SORCS2: variants seen among roughly 807,000 people sequenced by gnomAD.
The protein encoded by SORCS2 is VPS10 domain-containing receptor SorCS2.
In SORCS2, 100 loss-of-function variants were observed where a neutral mutation model predicts 141.6. That is an observed-to-expected ratio of 0.71 (90% CI 0.60 to 0.83). SORCS2 has a LOEUF of 0.83. Ranked by LOEUF, SORCS2 falls within the 40% of genes least tolerant of loss-of-function variation. The pLI, the probability that SORCS2 is intolerant of heterozygous loss-of-function variation, is 0.00. For synonymous variants in SORCS2, 789 were observed against 676.9 expected (o/e 1.17, Z -2.57); for missense variants, 1,646 against 1,560.2 (o/e 1.05, Z -0.93).
chr4:7,556,486 A>C (rs1033190787), intron 3 of SORCS2, among the ~76,000 whole-genome samples: 1 of 152,170 alleles, frequency 6.6e-6, no homozygotes, highest in Admixed American at 6.5e-5. Context: ...TGGTCCTATC[A>C]CTGGCACGGA....
At chr4:7,657,684 C>G (rs1363541025) in intron 5 of SORCS2, among the ~76,000 whole-genome samples, 3 of 150,140 alleles carry the variant, frequency 2.0e-5, no homozygotes. Context: ...GAATGAGTGA[C>G]TGAGTCTGTG....
chr4:7,672,857 C>T (rs1722875083), intron 8 of SORCS2, among the ~76,000 whole-genome samples: 2 of 152,200 alleles, frequency 1.3e-5, no homozygotes, highest in Admixed American at 1.3e-4. Flanking sequence ...GTGGAATTGT[C>T]CTACGTGGCT....
chr4:7,734,837 C>T (rs1451172247), intron 25 of SORCS2, among the ~76,000 whole-genome samples: 1 of 152,242 alleles, frequency 6.6e-6, no homozygotes, highest in Non-Finnish European at 1.5e-5. Context: ...CTCGAGAGCA[C>T]TTGAGAGCTG....
At chr4:7,239,667 C>T (rs929608050) in intron 1 of SORCS2, among the ~76,000 whole-genome samples, 1 of 152,176 alleles carries the variant, frequency 6.6e-6, no homozygotes, top group African/African-American at 2.4e-5. Flanking sequence ...TCGCACTTGG[C>T]CCCCAGGATA....
chr4:7,382,045 C>A (rs1577474442), intron 1 of SORCS2: 2 of 936,184 alleles, frequency 2.1e-6, no homozygotes, highest in East Asian at 1.2e-4. Flanking sequence ...AAAGATGGGA[C>A]CTCGTTCGGG....
chr4:7,674,075 C>T (rs1031084742), intron 8 of SORCS2, among the ~76,000 whole-genome samples: 1 of 152,172 alleles, frequency 6.6e-6, no homozygotes, highest in South Asian at 2.1e-4. Context: ...CCGGGCACTT[C>T]ACATGCCTCC....
chr4:7,513,174 C>G (rs905705584), intron 2 of SORCS2, among the ~76,000 whole-genome samples: 1 of 152,308 alleles, frequency 6.6e-6, no homozygotes, highest in East Asian at 1.9e-4. Flanking sequence ...TTTCGAATCT[C>G]TAGAATGGGA....
At chr4:7,734,954 T>C (rs917714856) in intron 25 of SORCS2, among the ~76,000 whole-genome samples, 5 of 152,190 alleles carry the variant, frequency 3.3e-5, no homozygotes, top group Non-Finnish European at 7.3e-5. Flanking sequence ...GTTTGTCTAT[T>C]GGGAGGGGCT....
At chr4:7,681,470 G>A (rs555670424) in intron 9 of SORCS2, among the ~76,000 whole-genome samples, 1 of 152,218 alleles carries the variant, frequency 6.6e-6, no homozygotes, top group Admixed American at 6.5e-5. Flanking sequence ...GAATGCCGGT[G>A]CCTCTAGAAG....
intron 9 of SORCS2, among the ~76,000 whole-genome samples, chr4:7,678,889 A>G (rs1723331854): frequency 6.6e-6 from 1 of 152,130 alleles, no homozygotes; most frequent in South Asian, 2.1e-4. Context: ...GGGCTTCCCT[A>G]TGTGCAACAG....
At chr4:7,522,563 A>G (rs542360654) in intron 2 of SORCS2, among the ~76,000 whole-genome samples, 1 of 152,238 alleles carries the variant, frequency 6.6e-6, no homozygotes, top group East Asian at 1.9e-4. Context: ...AGGCACAGAG[A>G]GAGGAGGCGC....
chr4:7,600,442 A>C (rs1029983391), intron 3 of SORCS2, among the ~76,000 whole-genome samples: 1 of 151,992 alleles, frequency 6.6e-6, no homozygotes, highest in African/African-American at 2.4e-5. Flanking sequence ...CACCGTCCCC[A>C]CCCAAGCCCG....
At chr4:7,520,362 TGAG>T (rs1324299979) in intron 2 of SORCS2, among the ~76,000 whole-genome samples, 1 of 152,106 alleles carries the variant, frequency 6.6e-6, no homozygotes, top group Middle Eastern at 3.2e-3. Flanking sequence ...AAGAGTAAAT[TGAG>T]GAGGTGTGTG....
At chr4:7,628,585 C>T (rs150752002) in intron 3 of SORCS2, among the ~76,000 whole-genome samples, 511 of 151,756 alleles carry the variant, frequency 3.4e-3, no homozygotes, top group Non-Finnish European at 5.1e-3. Context: ...CAGCACTGAG[C>T]TCGTGGCCTG....
At position 7,716,143 on chromosome 4, in the gene SORCS2, C is replaced by T. The variant is rs74956653; in HGVS notation, c.2252+832C>T. Among the ~76,000 whole-genome samples, 394 of 152,312 alleles carry T rather than the reference C, an allele frequency of 2.6e-3. 2 individuals carry two copies. Among genetic ancestry groups the T allele is most frequent in the Admixed American group, 0.017 (264 of 15,292 alleles). ...GCTTTAGGAGGTCCCAAACGTGCTC[C>T]GTCAGAAAGTCCCAATTTCCTCATT... On this transcript the variant is annotated intron_variant, in intron 17 of 26. Transcript: ENST00000507866.
chr4:7,580,997 T>A (rs1716105653), intron 3 of SORCS2, among the ~76,000 whole-genome samples: 2 of 152,128 alleles, frequency 1.3e-5, no homozygotes, highest in Admixed American at 1.3e-4. Context: ...TACAACAATC[T>A]TATAAGGAAG....
intron 1 of SORCS2, among the ~76,000 whole-genome samples, chr4:7,219,868 G>T (rs116637442): frequency 6.6e-6 from 1 of 152,338 alleles, no homozygotes; most frequent in Non-Finnish European, 1.5e-5. Context: ...GACCTTGCCC[G>T]CAGCAGCCGC....
intron 2 of SORCS2, among the ~76,000 whole-genome samples, chr4:7,449,465 A>G (rs1467063618): frequency 1.5e-5 from 2 of 131,162 alleles, no homozygotes; most frequent in African/African-American, 5.9e-5. Context: ...CTTCCCACCT[A>G]TGGGTGAATT....
At chr4:7,608,866 GC>G (rs1718223175) in intron 3 of SORCS2, among the ~76,000 whole-genome samples, 1 of 152,146 alleles carries the variant, frequency 6.6e-6, no homozygotes, top group African/African-American at 2.4e-5. Flanking sequence ...TCACAGTCCT[GC>G]CCTCAGGGAG....
Sources: gnomAD v4.1 joint callset for allele counts (sites outside exome capture counted in the v4.1 genomes callset) on GRCh38, gnomAD v4.1.1 for gene constraint, MANE v1.5 for transcripts, NCBI Gene and HGNC (gene_info 2026-07-23, HGNC 2026-07-21) for gene names.